Variants in PDGFB observed in about 807,000 individuals in gnomAD.
PDGFB encodes platelet-derived growth factor subunit B.
PDGFB carries 6 observed loss-of-function variants against 29.0 expected under a neutral mutation model. That is an observed-to-expected ratio of 0.21 (90% confidence interval 0.11 to 0.41). PDGFB has a LOEUF of 0.41. PDGFB is among the 10% of genes least tolerant of loss of function. The pLI is 1.00. For synonymous variants in PDGFB, 144 were observed against 140.8 expected, an observed-to-expected ratio of 1.02 and a Z score of -0.16; for missense variants, 299 against 341.8, an observed-to-expected ratio of 0.87 and a Z score of 0.99.
Position 39,231,688 on chromosome 22 carries a change from G to A in PDGFB, c.390C>T (p.Cys130=), listed in dbSNP as rs770808577. 37 of 1,602,354 alleles carry A rather than the reference G, an allele frequency of 2.3e-5. No individual in the cohort carries two copies. The South Asian group carries it at 4.2e-4, about 18-fold the overall frequency. ...CGTTGCGGTTGTTGCAGCAGCCGGA[G>A]CAGCGCTGCACCTCCACACAGGGCG... ...VWPPCVEVQR[C]SGCCNNRNVQ... is the part of the protein sequence containing the mutation. The change falls in exon 4 of 7, where the codon TGC becomes TGT. Residue 130 remains cysteine (C), a synonymous_variant. Transcript: ENST00000331163. The surrounding 1 kb of genome is among the most constrained non-coding windows in gnomAD (Gnocchi z 4.3).
At chr22:39,234,237 T>C (rs922367812) in intron 2 of PDGFB, among the ~76,000 whole-genome samples, 8 of 152,182 alleles carry the variant, frequency 5.3e-5, no homozygotes, top group African/African-American at 1.9e-4. Flanking sequence ...CGTCTGTTGA[T>C]TCCTCTGGTC....
At chr22:39,240,001 C>A (rs1348501306) in intron 1 of PDGFB, among the ~76,000 whole-genome samples, 1 of 152,202 alleles carries the variant, frequency 6.6e-6, no homozygotes. Flanking sequence ...GAGTCGCAGG[C>A]CTTATTTAGA....
intron 2 of PDGFB, among the ~76,000 whole-genome samples, chr22:39,235,299 G>A (rs1021626748): frequency 4.6e-5 from 7 of 152,282 alleles, no homozygotes; most frequent in Admixed American, 3.9e-4. Context: ...CGCCAGCCCC[G>A]CCACGTGTGT....
chr22:39,235,832 G>C lies in PDGFB; in HGVS notation c.106C>G (p.His36Asp). 5 of 1,613,996 alleles carry C rather than the reference G, an allele frequency of 3.1e-6. No homozygotes were observed. Among genetic ancestry groups the C allele is most frequent in the Non-Finnish European group, 4.2e-6 (5 of 1,179,950 alleles). ...AGATCATCAAAGGAGCGGATCGAGT[G>C]GTCACTCAGCATCTCATAAAGCTCC... is the stretch of plus-strand genomic sequence containing the variant. ...PEELYEMLSD[H>D]SIRSFDDLQR... Residue 36 changes from histidine (H) to aspartate (D), a missense_variant, in exon 2 of 7, where the codon CAC becomes GAC. Transcript: ENST00000331163.
At chr22:39,228,316 G>T (rs1249603689) in intron 5 of PDGFB, among the ~76,000 whole-genome samples, 1 of 152,234 alleles carries the variant, frequency 6.6e-6, no homozygotes, top group Non-Finnish European at 1.5e-5. Flanking sequence ...GGCCAGGCGT[G>T]GTGGCTCAAT....
rs543820703 is a variant in PDGFB at position 39,232,783 on chromosome 22, C to T, written c.250+652G>A. Among the ~76,000 whole-genome samples the T allele has an allele frequency of 2.0e-4, 31 of 152,206 alleles. No homozygotes were observed. The East Asian group carries it at 3.1e-3, about 15-fold the overall frequency. ...GATTACAGGCGTGAGCCACCATGCCCGGCCCAGGCCACCTGACTCTTATTC... is the reference window on the plus strand; with the variant it reads ...GATTACAGGCGTGAGCCACCATGCCTGGCCCAGGCCACCTGACTCTTATTC... On this transcript the variant is annotated intron_variant, in intron 3 of 6. Coordinates refer to ENST00000331163, the MANE Select transcript of PDGFB (RefSeq NM_002608.4).
At chr22:39,235,487 G>A (rs761162500) in intron 2 of PDGFB, among the ~76,000 whole-genome samples, 6 of 152,154 alleles carry the variant, frequency 3.9e-5, no homozygotes, top group Admixed American at 6.5e-5. Flanking sequence ...AGACATACTC[G>A]GCAGATGCCC....
Position 39,243,935 on chromosome 22 carries a change from G to A in PDGFB, c.29C>T (p.Ser10Phe), listed in dbSNP as rs200943853. 1 of 1,600,112 alleles carries A rather than the reference G, an allele frequency of 6.2e-7. No individual in the cohort carries two copies. The highest frequency in any genetic ancestry group is 2.3e-5 in the East Asian group (1 of 43,984). MNRCWALFLSLCCYLRLVSA... is the reference protein window; with the variant it reads MNRCWALFLFLCCYLRLVSA... The stretch of plus-strand genomic sequence containing the variant: ...GACCAGACGCAGGTAGCAGCAGAGA[G>A]ACAGGAAGAGCGCCCAGCAGCGATT... The change falls in exon 1 of 7, where the codon TCT becomes TTT. Residue 10 changes from serine (S) to phenylalanine (F), a missense_variant. Ser to Phe is a radical substitution (Grantham distance 155, BLOSUM62 -2). Coordinates refer to ENST00000331163, the MANE Select transcript of PDGFB (RefSeq NM_002608.4). The surrounding 1 kb of genome is among the most constrained non-coding windows in gnomAD (Gnocchi z 6.4).
At chr22:39,227,515 T>C (rs1210497720) in intron 5 of PDGFB, among the ~76,000 whole-genome samples, 1 of 152,216 alleles carries the variant, frequency 6.6e-6, no homozygotes, top group Non-Finnish European at 1.5e-5. Flanking sequence ...TGCTGTTCTA[T>C]GCTCATTTCC....
At position 39,243,970 on chromosome 22, in the gene PDGFB, T is replaced by C. The variant is rs1395684055; in HGVS notation, c.-7A>G. 4.3e-6 allele frequency: 6 copies of C among 1,408,946 alleles called. No homozygotes were observed. The highest frequency in any genetic ancestry group is 4.7e-6 in the Non-Finnish European group (5 of 1,055,682). The allele number at this position is 1,408,946 out of a possible 1,614,324, so 87.3% of individuals were successfully genotyped here. A position where few individuals can be genotyped will look rare whatever the true frequency, so the allele number is the denominator to read the frequency against. On this transcript the variant is annotated 5_prime_UTR_variant, in exon 1 of 7. Transcript: ENST00000331163. This position sits in a 1 kb window ranked among gnomAD's most constrained non-coding sequence, Gnocchi z 6.4. ...GCGCCCAGCAGCGATTCATGCCGAC[T>C]CCGGGCCCGGCCCCGCGGGGCCCCG...
intron 5 of PDGFB, among the ~76,000 whole-genome samples, chr22:39,228,626 C>T (rs1321389541): frequency 1.3e-5 from 2 of 149,932 alleles, no homozygotes; most frequent in East Asian, 2.0e-4. Flanking sequence ...TGGTGGCTCA[C>T]GCCTGTAATC....
intron 5 of PDGFB, 142 bp downstream of exon 5, chr22:39,229,942 G>A: frequency 9.9e-7 from 1 of 1,012,320 alleles, no homozygotes. Context: ...AACCTGGCTT[G>A]TGTCTCAGCA....
intron 1 of PDGFB, among the ~76,000 whole-genome samples, chr22:39,241,786 A>G (rs1819360138): frequency 6.6e-6 from 1 of 152,114 alleles, no homozygotes; most frequent in Non-Finnish European, 1.5e-5. Context: ...GTGAAGGGGG[A>G]ATCGCTCTGG....
Position 39,231,951 on chromosome 22 carries a change from G to A in PDGFB, c.251-124C>T, listed in dbSNP as rs973314400. 7.8e-6 allele frequency: 6 copies of A among 765,468 alleles called. No homozygotes were observed. The highest frequency in any genetic ancestry group is 1.2e-5 in the Non-Finnish European group (6 of 480,002). 47.4% of individuals were successfully genotyped at this position (765,468 alleles called of 1,614,324 possible). On this transcript the variant is annotated intron_variant, in intron 3 of 6. Coordinates refer to ENST00000331163, the MANE Select transcript of PDGFB (RefSeq NM_002608.4). The surrounding 1 kb of genome is among the most constrained non-coding windows in gnomAD (Gnocchi z 4.3). ...CACGCCCTTCAACCCCAGGGTTCAG[G>A]TTTCAAGTCCTGGCTGTCATTAGCC...
intron 1 of PDGFB, among the ~76,000 whole-genome samples, chr22:39,238,362 T>G (rs1932493544): frequency 6.6e-6 from 1 of 152,066 alleles, no homozygotes. Flanking sequence ...AGAGTCCCTT[T>G]TAATCTGAGC....
chr22:39,233,473 C>T lies in PDGFB; in HGVS notation c.212G>A (p.Gly71Asp), dbSNP rs201914908. Residue 71 changes from glycine (G) to aspartate (D), a missense_variant, in exon 3 of 7, where the codon GGC (glycine) becomes GAC (aspartate). Physicochemically the swap from Gly to Asp is moderately conservative, Grantham distance 94 (BLOSUM62 -1). Coordinates refer to ENST00000331163, the MANE Select transcript of PDGFB (RefSeq NM_002608.4). ...DLNMTRSHSG[G>D]ELESLARGRR... ...TCCACGAGCCAAGCTCTCCAGCTCG[C>T]CTCCAGAGTGGGAGCGGGTCATGTT... 1.3e-6 allele frequency: 2 copies of T among 1,594,604 alleles called. No homozygotes were observed. The highest frequency in any genetic ancestry group is 2.4e-5 in the East Asian group (1 of 42,280).
chr22:39,229,184 C>T (rs896977982), intron 5 of PDGFB, among the ~76,000 whole-genome samples: 4 of 151,994 alleles, frequency 2.6e-5, no homozygotes, highest in East Asian at 3.9e-4. Flanking sequence ...CTCATCTAAT[C>T]GTATTAATCA....
rs187458929 is a variant in PDGFB at position 39,242,912 on chromosome 22, G to A, written c.63+989C>T. 3 of 233,000 alleles carry A rather than the reference G, an allele frequency of 1.3e-5. No homozygotes were observed. Among genetic ancestry groups the A allele is most frequent in the Non-Finnish European group, 2.5e-5 (3 of 117,888 alleles). 14.4% of individuals were successfully genotyped at this position (233,000 alleles called of 1,614,324 possible). ...TCCACCGCGCGCGTCGTCCTGCCCC[G>A]CCCCCTTTCCCACCTGGATTCCGGG... On this transcript the variant is annotated intron_variant, in intron 1 of 6. Coordinates refer to ENST00000331163, the MANE Select transcript of PDGFB (RefSeq NM_002608.4). The surrounding 1 kb of genome is among the most constrained non-coding windows in gnomAD (Gnocchi z 5.7).
intron 6 of PDGFB, 120 bp downstream of exon 6, chr22:39,225,575 G>A (rs140728550): frequency 2.0e-6 from 2 of 994,238 alleles, no homozygotes; most frequent in Non-Finnish European, 2.9e-6. Context: ...ACTGGACAGG[G>A]AGGACCAAGG....
Sources: gnomAD v4.1 joint callset for allele counts (sites outside exome capture counted in the v4.1 genomes callset) on GRCh38, gnomAD v4.1.1 for gene constraint, Gnocchi (gnomAD v3.1) non-coding constraint, MANE v1.5 for transcripts, NCBI Gene and HGNC (gene_info 2026-07-23, HGNC 2026-07-21) for gene names.